The following BLM variants were observed in gnomAD, a reference collection of about 807,000 sequenced individuals.
BLM encodes BLM RecQ like helicase.
In BLM, 95 loss-of-function variants were observed where a neutral mutation model predicts 135.3. The observed-to-expected ratio is 0.70, with a 90% CI of 0.59 to 0.83. The LOEUF (loss-of-function observed/expected upper bound fraction) is 0.83, where lower values mean the gene tolerates loss of function less well. BLM is among the 40% of genes least tolerant of loss of function. The pLI is 0.00. For synonymous variants in BLM, 520 were observed against 589.2 expected, an observed-to-expected ratio of 0.88 and a Z score of 1.70; for missense variants, 1,518 against 1,663.9, an observed-to-expected ratio of 0.91 and a Z score of 1.53.
intron 12 of BLM, among the ~76,000 whole-genome samples, chr15:90,771,419 G>A (rs547854652): frequency 6.9e-4 from 105 of 152,044 alleles, no homozygotes; most frequent in Admixed American, 1.8e-3. Context: ...CCCAGGAGGC[G>A]GAGGTTGCAG....
In BLM at chr15:90,776,225, G is replaced by A. The variant is rs141133252; in HGVS notation, c.2556-6597G>A. On this transcript the variant is annotated intron_variant, in intron 12 of 21. Coordinates refer to ENST00000355112, the MANE Select transcript of BLM (RefSeq NM_000057.4). Reference sequence around the variant, plus strand: ...ATCTGTCAATTGACAACTCAATTAGGTCTTTCAAATTTGTGGTAAGCAAAG... The same window carrying A: ...ATCTGTCAATTGACAACTCAATTAGATCTTTCAAATTTGTGGTAAGCAAAG... Among the ~76,000 whole-genome samples the A allele has an allele frequency of 3.9e-5, 6 of 152,198 alleles. No homozygotes were observed. In the East Asian group the frequency reaches 1.2e-3, roughly 29 times the overall value.
At chr15:90,760,026 G>A (rs2151156799) in intron 5 of BLM, 121 bp from the exon 6 acceptor site, 2 of 877,056 alleles carry the variant, frequency 2.3e-6, no homozygotes, top group Non-Finnish European at 1.8e-6. Context: ...CTGGACTTAA[G>A]CAATCCTCCT....
At chr15:90,722,823 A>G (rs1472675310) in intron 1 of BLM, among the ~76,000 whole-genome samples, 1 of 152,104 alleles carries the variant, frequency 6.6e-6, no homozygotes, top group Non-Finnish European at 1.5e-5. Flanking sequence ...TATGTTAGGG[A>G]TAACTATTGT....
intron 6 of BLM, 29 bp downstream of exon 6, chr15:90,760,308 T>C (rs1194977832): frequency 6.2e-7 from 1 of 1,613,194 alleles, no homozygotes; most frequent in Admixed American, 1.7e-5. Flanking sequence ...TTCTGGAATA[T>C]ATCTGATTAT....
chr15:90,738,502 A>T (rs1191760629), intron 1 of BLM, among the ~76,000 whole-genome samples: 1 of 152,110 alleles, frequency 6.6e-6, no homozygotes, highest in Non-Finnish European at 1.5e-5. Context: ...TGAGCCCGGG[A>T]GGTCGAGGCA....
intron 16 of BLM, 129 bp from the exon 17 acceptor site, chr15:90,798,061 C>T (rs140537258): frequency 1.1e-3 from 755 of 700,136 alleles, no homozygotes; most frequent in East Asian, 5.4e-3. Flanking sequence ...TTGAAATTTC[C>T]GTAGGTTTTG....
chr15:90,761,015 C>A lies in BLM; in HGVS notation c.1642C>A (p.Gln548Lys), dbSNP rs200389141. 2 of 1,606,372 alleles carry A rather than the reference C, an allele frequency of 1.2e-6. No homozygotes were observed. The highest frequency in any genetic ancestry group is 2.2e-5 in the South Asian group (2 of 89,486). ...AATAAATGACTTAGAAAGAGAAACC[C>A]AACCTTCCTATGATATTGATAATTT... ...ASINDLERET[Q>K]PSYDIDNFDI... Residue 548 changes from glutamine (Q) to lysine (K), a missense_variant, in exon 7 of 22, where the codon CAA becomes AAA. By Grantham distance (53) the Gln-to-Lys change is moderately conservative. This residue lies in a region of BLM where 724 missense variants were observed against 756.9 expected (regional missense o/e 0.96). Transcript: ENST00000355112.
intron 1 of BLM, 74 bp from the exon 2 acceptor site, chr15:90,747,315 T>TC: frequency 9.1e-7 from 1 of 1,103,226 alleles, no homozygotes; most frequent in Admixed American, 2.0e-5. Context: ...ATCAAGTCCT[T>TC]CCTCCCCTCA....
intron 16 of BLM, among the ~76,000 whole-genome samples, chr15:90,797,980 A>G (rs1040281226): frequency 6.6e-6 from 1 of 152,194 alleles, no homozygotes; most frequent in African/African-American, 2.4e-5. Flanking sequence ...GTTGAAAGAC[A>G]AGACGTATCT....
chr15:90,785,143 G>A lies in BLM; in HGVS notation c.2823+62G>A, dbSNP rs958657692. ...TCTTTTATAGCATATAACCAAACAT[G>A]CACATGTAGAATGCAAACTGTTTTT... On this transcript the variant is annotated intron_variant, in intron 14 of 21. Coordinates refer to ENST00000355112, the MANE Select transcript of BLM (RefSeq NM_000057.4). The A allele has an allele frequency of 2.0e-6, 3 of 1,524,048 alleles. No homozygotes were observed. In the Admixed American group the frequency reaches 5.4e-5, roughly 27 times the overall value. 94.4% of individuals were successfully genotyped at this position (1,524,048 alleles called of 1,614,324 possible). A position where few individuals can be genotyped will look rare whatever the true frequency, so the allele number is the denominator to read the frequency against.
intron 12 of BLM, among the ~76,000 whole-genome samples, chr15:90,778,354 T>C (rs1896531724): frequency 6.6e-6 from 1 of 152,246 alleles, no homozygotes; most frequent in African/African-American, 2.4e-5. Flanking sequence ...GCCAGATGTT[T>C]TTAGTAACAG....
chr15:90,812,037 GTTC>G (rs1335086466), intron 21 of BLM, among the ~76,000 whole-genome samples: 3 of 152,152 alleles, frequency 2.0e-5, no homozygotes, highest in African/African-American at 7.2e-5. Context: ...TGGGATGATT[GTTC>G]TTCTTAAGAG....
chr15:90,731,817 A>T (rs112457415), intron 1 of BLM, among the ~76,000 whole-genome samples: 70 of 152,040 alleles, frequency 4.6e-4, no homozygotes, highest in African/African-American at 1.3e-3. Context: ...AAATTTTTTT[A>T]AAAATCTATT....
At chr15:90,758,374 G>T (rs1044603230) in intron 5 of BLM, among the ~76,000 whole-genome samples, 3 of 152,210 alleles carry the variant, frequency 2.0e-5, no homozygotes, top group Admixed American at 2.0e-4. Context: ...GTAGTCCCAG[G>T]CACTCAGGAG....
rs28385035 is a variant in BLM at position 90,766,707 on chromosome 15, C to T, written c.2194-203C>T. Among the ~76,000 whole-genome samples the T allele has an allele frequency of 4.7e-3, 709 of 152,286 alleles. 10 individuals are homozygous for T. Among genetic ancestry groups the T allele is most frequent in the African/African-American group, 0.016 (674 of 41,558 alleles). On this transcript the variant is annotated intron_variant, in intron 9 of 21. Transcript: ENST00000355112. ...CCTCCCAAAATGCTGAAATTACAGG[C>T]GTGAGCCACCACGCCCTGCCTGAGT... is the stretch of plus-strand genomic sequence containing the variant.
chr15:90,815,306 C>G lies in BLM; in HGVS notation c.*27C>G. 1 of 1,607,362 alleles carries G rather than the reference C, an allele frequency of 6.2e-7. No homozygotes were observed. Among genetic ancestry groups the G allele is most frequent in the Non-Finnish European group, 8.5e-7 (1 of 1,173,974 alleles). On this transcript the variant is annotated 3_prime_UTR_variant, in exon 22 of 22. Transcript: ENST00000355112. This position sits in a 1 kb window ranked among gnomAD's most constrained non-coding sequence, Gnocchi z 4.6. ...AACCGAATCTCAATGTACATAGACC[C>G]TCTTTCTTGTTTGTCAGCATCTGAC...
At chr15:90,750,929 C>T (rs963349280) in intron 3 of BLM, among the ~76,000 whole-genome samples, 2 of 152,142 alleles carry the variant, frequency 1.3e-5, no homozygotes, top group African/African-American at 4.8e-5. Flanking sequence ...GGGGTTGCTG[C>T]CGTAAGATCC....
At chr15:90,776,550 A>G (rs1182698530) in intron 12 of BLM, among the ~76,000 whole-genome samples, 2 of 152,096 alleles carry the variant, frequency 1.3e-5, no homozygotes, top group Middle Eastern at 3.2e-3. Flanking sequence ...CAGAGTCCCA[A>G]TCTTTCACCC....
chr15:90,776,216 C>G (rs148617533), intron 12 of BLM, among the ~76,000 whole-genome samples: 32 of 152,210 alleles, frequency 2.1e-4, no homozygotes, highest in Non-Finnish European at 3.5e-4. Context: ...CAATTGACAA[C>G]TCAATTAGGT....
Sources: allele counts gnomAD v4.1 joint callset (sites outside exome capture counted in the v4.1 genomes callset), GRCh38; gene constraint gnomAD v4.1.1; regional missense constraint gnomAD v4.1.1; non-coding constraint Gnocchi (gnomAD v3.1); transcripts MANE v1.5; gene names NCBI Gene and HGNC (gene_info 2026-07-23, HGNC 2026-07-21).